PIK3C2A: variants seen among roughly 807,000 people sequenced by gnomAD.
PIK3C2A encodes phosphatidylinositol 4-phosphate 3-kinase C2 domain-containing subunit alpha.
PIK3C2A carries 97 observed loss-of-function variants against 204.5 expected under a neutral mutation model. The observed-to-expected ratio is 0.47, with a 90% confidence interval of 0.40 to 0.56. PIK3C2A has a LOEUF of 0.56. Ranked by LOEUF, PIK3C2A falls within the 20% of genes least tolerant of loss-of-function variation. The pLI is 0.00. For missense variants in PIK3C2A, 1,735 were observed against 1,969.2 expected (o/e 0.88, Z 2.25); for synonymous variants, 653 against 664.4 (o/e 0.98, Z 0.26).
intron 2 of PIK3C2A, among the ~76,000 whole-genome samples, chr11:17,160,615 G>C (rs906170318): frequency 6.6e-6 from 1 of 152,098 alleles, no homozygotes; most frequent in African/African-American, 2.4e-5. Context: ...CTCTAGTCCA[G>C]GAGATGGAGA....
intron 2 of PIK3C2A, among the ~76,000 whole-genome samples, chr11:17,161,163 G>A (rs1417208373): frequency 6.6e-6 from 1 of 152,112 alleles, no homozygotes; most frequent in Non-Finnish European, 1.5e-5. Context: ...ACAAGTTCAA[G>A]GTTCATGCCA....
Position 17,194,651 on chromosome 11 carries a change from T to C in PIK3C2A, c.-66+13197A>G, listed in dbSNP as rs887161016. 2.0e-5 allele frequency among the ~76,000 whole-genome samples: 3 copies of C among 152,198 alleles called. No homozygotes were observed. The East Asian group carries it at 5.8e-4, about 29-fold the overall frequency. On this transcript the variant is annotated intron_variant, in intron 1 of 32. Coordinates refer to ENST00000691414, the MANE Select transcript of PIK3C2A (RefSeq NM_002645.4). Reference sequence around the variant, plus strand: ...CTAGCCTGGCGCAGTGGCTCATGCCTGTAATCCCAGCACTTTGAGAGGCCA... The same window carrying C: ...CTAGCCTGGCGCAGTGGCTCATGCCCGTAATCCCAGCACTTTGAGAGGCCA...
chr11:17,118,777 C>T, intron 17 of PIK3C2A, 38 bp from the exon 18 acceptor site: 1 of 961,938 alleles, frequency 1.0e-6, no homozygotes, highest in Non-Finnish European at 1.6e-6. Context: ...AGTGGTCTAA[C>T]CCATACTAAA....
chr11:17,114,062 A>G (rs1429111026), intron 20 of PIK3C2A, among the ~76,000 whole-genome samples: 6 of 147,088 alleles, frequency 4.1e-5, no homozygotes, highest in Non-Finnish European at 9.1e-5. Flanking sequence ...CTTGGGCAAG[A>G]GTGAGACTTT....
chr11:17,197,359 C>T (rs146336640), intron 1 of PIK3C2A, among the ~76,000 whole-genome samples: 23 of 152,166 alleles, frequency 1.5e-4, no homozygotes, highest in African/African-American at 3.4e-4. Flanking sequence ...TCTATTAAAA[C>T]GATTATCCAC....
intron 2 of PIK3C2A, among the ~76,000 whole-genome samples, chr11:17,163,793 C>T (rs114462532): frequency 0.021 from 3,168 of 151,774 alleles, 127 homozygotes; most frequent in African/African-American, 0.071. Context: ...ATATATTTAA[C>T]GTACTGAAAA....
In PIK3C2A at chr11:17,174,463, G is replaced by A. The variant is rs1326996597; in HGVS notation, c.-65-4657C>T. 1.1e-4 allele frequency among the ~76,000 whole-genome samples: 9 copies of A among 85,410 alleles called. 4 individuals carry two copies. Among genetic ancestry groups the A allele is most frequent in the East Asian group, 1.5e-3 (2 of 1,364 alleles). 56.0% of individuals were successfully genotyped at this position (85,410 alleles called of 152,430 possible). A position where few individuals can be genotyped will look rare whatever the true frequency, so the allele number is the denominator to read the frequency against. On this transcript the variant is annotated intron_variant, in intron 1 of 32. Transcript: ENST00000691414. ...AAAAAAATTAGCCGGGCGTAGTGGC[G>A]GGCGCCTGTAGTCCCAGCTACTTGG...
chr11:17,172,834 A>C (rs1851222153), intron 1 of PIK3C2A, among the ~76,000 whole-genome samples: 1 of 152,172 alleles, frequency 6.6e-6, no homozygotes, highest in Non-Finnish European at 1.5e-5. Context: ...TTGCATTGTT[A>C]ACTTATTTAC....
At chr11:17,119,451 C>CT (rs1370083818) in intron 16 of PIK3C2A, 138 bp from the exon 17 acceptor site, 33 of 654,950 alleles carry the variant, frequency 5.0e-5, no homozygotes, top group Admixed American at 1.5e-4. Flanking sequence ...TGTATTTCTT[C>CT]TTTTTGTAAG....
intron 30 of PIK3C2A, 132 bp downstream of exon 30, chr11:17,091,864 G>T: frequency 1.4e-6 from 1 of 728,836 alleles, no homozygotes; most frequent in Non-Finnish European, 2.4e-6. Flanking sequence ...AAATAGACTG[G>T]CTTAGAAAGA....
In PIK3C2A at chr11:17,203,990, T is replaced by A. The variant is rs192875598; in HGVS notation, c.-66+3858A>T. Among the ~76,000 whole-genome samples the A allele has an allele frequency of 4.8e-3, 730 of 151,508 alleles. 10 individuals carry two copies. Among genetic ancestry groups the A allele is most frequent in the African/African-American group, 0.017 (694 of 41,264 alleles). On this transcript the variant is annotated intron_variant, in intron 1 of 32. Transcript: ENST00000691414. ...TCGGGAGGCTGAGGCAGGAGACTGG[T>A]GTGAACCTGGGAGGCGGAGCTTGCA...
Position 17,105,325 on chromosome 11 carries a change from A to C in PIK3C2A, c.3545-20T>G. ...CCATGCCTTTAATGATAAAATATTA[A>C]GCTATGTAAAACTGTCTCTCCAAAG... On this transcript the variant is annotated intron_variant, in intron 22 of 32. Transcript: ENST00000691414. The C allele has an allele frequency of 6.3e-7, 1 of 1,587,710 alleles. No homozygotes were observed. The highest frequency in any genetic ancestry group is 1.9e-5 in the Admixed American group (1 of 53,178).
chr11:17,138,717 C>A (rs1328228215), intron 8 of PIK3C2A, among the ~76,000 whole-genome samples: 1 of 152,068 alleles, frequency 6.6e-6, no homozygotes, highest in Non-Finnish European at 1.5e-5. Flanking sequence ...TTCAGCTCTG[C>A]CATTAAAACG....
chr11:17,159,031 C>T (rs1011295830), intron 2 of PIK3C2A, among the ~76,000 whole-genome samples: 18 of 152,270 alleles, frequency 1.2e-4, no homozygotes, highest in African/African-American at 4.3e-4. Flanking sequence ...TTTCCCTCTG[C>T]TCTTTCTGGA....
intron 24 of PIK3C2A, among the ~76,000 whole-genome samples, chr11:17,101,838 T>A (rs577639362): frequency 4.0e-5 from 6 of 151,842 alleles, no homozygotes; most frequent in African/African-American, 4.8e-5. Context: ...CTCCTGACCT[T>A]GTGATCCGCC....
chr11:17,087,376 T>C lies in PIK3C2A; in HGVS notation c.*2362A>G, dbSNP rs1007069826. 3 of 152,174 alleles carry C rather than the reference T, an allele frequency of 2.0e-5. No individual in the cohort carries two copies. The highest frequency in any genetic ancestry group is 7.2e-5 in the African/African-American group (3 of 41,442). 9.4% of individuals were successfully genotyped at this position (152,174 alleles called of 1,614,324 possible). On this transcript the variant is annotated 3_prime_UTR_variant, in exon 33 of 33. Transcript: ENST00000691414. ...GCATTTCATAAAGAAATAAACTATA[T>C]GTAAAATGTATGTGTGTTTGAATGA...
At chr11:17,203,843 C>T (rs1171576032) in intron 1 of PIK3C2A, among the ~76,000 whole-genome samples, 3 of 152,206 alleles carry the variant, frequency 2.0e-5, no homozygotes, top group East Asian at 3.9e-4. Context: ...GAGGCCGAGG[C>T]GGGCAGATCA....
chr11:17,176,967 T>A (rs2137511571), intron 1 of PIK3C2A, among the ~76,000 whole-genome samples: 1 of 152,268 alleles, frequency 6.6e-6, no homozygotes, highest in South Asian at 2.1e-4. Flanking sequence ...CTCACAAATT[T>A]TATAAAGTAG....
chr11:17,172,050 A>C (rs1249279520), intron 1 of PIK3C2A, among the ~76,000 whole-genome samples: 1 of 152,224 alleles, frequency 6.6e-6, no homozygotes, highest in Non-Finnish European at 1.5e-5. Context: ...AAATTCTTTT[A>C]ACTTGGTTGC....
Sources: gnomAD v4.1 joint callset for allele counts (sites outside exome capture counted in the v4.1 genomes callset) on GRCh38, gnomAD v4.1.1 for gene constraint, MANE v1.5 for transcripts, NCBI Gene and HGNC (gene_info 2026-07-23, HGNC 2026-07-21) for gene names.